Variants in CRBN observed in about 807,000 individuals in gnomAD.
CRBN encodes cereblon, also known as protein cereblon.
In CRBN, 53 loss-of-function variants were observed where a neutral mutation model predicts 62.2. The ratio of observed to expected loss-of-function variants is 0.85; its 90% CI spans 0.68 to 1.07. The LOEUF is 1.07. CRBN is among the 50% of genes least tolerant of loss of function. CRBN has a pLI of 0.00. For synonymous variants in CRBN, 208 were observed against 176.1 expected (o/e 1.18, Z -1.43); for missense variants, 616 against 531.1 (o/e 1.16, Z -1.57).
At chr3:3,154,604 C>T (rs1706799608) in intron 7 of CRBN, 143 bp downstream of exon 7, 6 of 646,520 alleles carry the variant, frequency 9.3e-6, no homozygotes, top group Non-Finnish European at 1.7e-5. Flanking sequence ...TTTTCAACTG[C>T]TCAAAGGAAA....
intron 10 of CRBN, 139 bp downstream of exon 10, chr3:3,152,317 T>C (rs1423237728): frequency 2.8e-5 from 27 of 947,920 alleles, no homozygotes; most frequent in Non-Finnish European, 4.1e-5. Flanking sequence ...CATACCCGGC[T>C]AATTTTTGTA....
At chr3:3,160,456 A>C (rs1408570142) in intron 5 of CRBN, among the ~76,000 whole-genome samples, 3 of 152,192 alleles carry the variant, frequency 2.0e-5, no homozygotes, top group Non-Finnish European at 2.9e-5. Flanking sequence ...CTGGGATGGA[A>C]TGATAAGCTC....
intron 1 of CRBN, among the ~76,000 whole-genome samples, chr3:3,178,947 A>G (rs1016400052): frequency 6.6e-6 from 1 of 152,068 alleles, no homozygotes; most frequent in Non-Finnish European, 1.5e-5. Flanking sequence ...CACACAACAT[A>G]CAGGAAAAAG....
chr3:3,159,482 C>G (rs940165813), intron 5 of CRBN, among the ~76,000 whole-genome samples: 2 of 152,030 alleles, frequency 1.3e-5, no homozygotes, highest in African/African-American at 4.8e-5. Context: ...GCACCCATGT[C>G]AAGAAAAAGA....
intron 3 of CRBN, 147 bp from the exon 4 acceptor site, chr3:3,173,072 G>A (rs1204756641): frequency 1.3e-5 from 9 of 706,064 alleles, no homozygotes; most frequent in East Asian, 2.8e-5. Flanking sequence ...TTATTTATTT[G>A]TTTGAGATGG....
upstream of CRBN, chr3:3,179,710 C>CT: frequency 1.2e-6 from 2 of 1,610,466 alleles, no homozygotes; most frequent in Non-Finnish European, 1.7e-6. Flanking sequence ...GCAAAGGAGG[C>CT]TGGGACAGGG....
chr3:3,166,773 G>A (rs765175823), intron 5 of CRBN, among the ~76,000 whole-genome samples: 7 of 151,758 alleles, frequency 4.6e-5, no homozygotes, highest in African/African-American at 7.3e-5. Context: ...ATAAAAATTC[G>A]GTACAGTGAC....
chr3:3,156,320 G>T, intron 5 of CRBN, 39 bp from the exon 6 acceptor site: 1 of 1,551,842 alleles, frequency 6.4e-7, no homozygotes, highest in Non-Finnish European at 8.9e-7. Context: ...AAACCCCACA[G>T]AATAAAGATT....
intron 4 of CRBN, 158 bp downstream of exon 4, chr3:3,172,618 T>A (rs145953687): frequency 7.0e-6 from 5 of 714,042 alleles, no homozygotes; most frequent in Non-Finnish European, 1.2e-5. Context: ...TTCTGATGCA[T>A]AGCAAGGTTG....
In CRBN at chr3:3,167,783, C is replaced by T; in HGVS notation, c.538G>A (p.Ala180Thr). 6.2e-7 allele frequency: 1 copy of T among 1,613,408 alleles called. No individual in the cohort carries two copies. Among genetic ancestry groups the T allele is most frequent in the Non-Finnish European group, 8.5e-7 (1 of 1,179,500 alleles). ...CATTCGGGAAGAATTTGCACTTTAG[C>T]TTGCTGGATTCTAAAATAAAGAGAA... ...LRTQSDGIQQ[A>T]KVQILPECVL... Residue 180 changes from alanine (A) to threonine (T), a missense_variant, in exon 5 of 11, where the codon GCT becomes ACT. Physicochemically the swap from Ala to Thr is moderately conservative, Grantham distance 58 (BLOSUM62 0). Transcript: ENST00000231948.
chr3:3,156,534 T>G (rs532708459), intron 5 of CRBN: 10 of 502,364 alleles, frequency 2.0e-5, no homozygotes, highest in Non-Finnish European at 3.5e-5. Context: ...ATTTCAATGC[T>G]GAAGACAACT....
At position 3,176,032 on chromosome 3, in the gene CRBN, T is replaced by TC. The variant is rs1192527016; in HGVS notation, c.68-764dup. ...AGGTTTTTCCGCTGTAAAGTTCCTTTCCCCCCTCCTTTTCACATTGTACCC... is the reference window on the plus strand; with the variant it reads ...AGGTTTTTCCGCTGTAAAGTTCCTTTCCCCCCCTCCTTTTCACATTGTACCC... On this transcript the variant is annotated intron_variant, in intron 1 of 10. Transcript: ENST00000231948. 5.9e-5 allele frequency among the ~76,000 whole-genome samples: 9 copies of TC among 152,154 alleles called. No individual in the cohort carries two copies. In the South Asian group the frequency reaches 1.2e-3, roughly 21 times the overall value.
chr3:3,171,227 C>A lies in CRBN; in HGVS notation c.527+1549G>T, dbSNP rs190739538. Among the ~76,000 whole-genome samples, 30 of 152,268 alleles carry A rather than the reference C, an allele frequency of 2.0e-4. No homozygotes were observed. In the East Asian group the frequency reaches 2.9e-3, roughly 15 times the overall value. ...CAAAAGTCACTAATGTCAAGACAGTCTGAGAAATATACTTTTCCCCAAGTC... is the reference window on the plus strand; with the variant it reads ...CAAAAGTCACTAATGTCAAGACAGTATGAGAAATATACTTTTCCCCAAGTC... On this transcript the variant is annotated intron_variant, in intron 4 of 10. Transcript: ENST00000231948.
intron 5 of CRBN, among the ~76,000 whole-genome samples, chr3:3,157,793 A>G (rs1706963499): frequency 6.6e-6 from 1 of 152,192 alleles, no homozygotes; most frequent in African/African-American, 2.4e-5. Context: ...CTGCGGTTTT[A>G]ACAGAAGACT....
intron 1 of CRBN, among the ~76,000 whole-genome samples, chr3:3,177,966 T>G (rs1399537133): frequency 2.0e-5 from 3 of 151,736 alleles, no homozygotes; most frequent in Non-Finnish European, 2.9e-5. Context: ...ACACCATCTC[T>G]GGGCCCTCTC....
intron 10 of CRBN, among the ~76,000 whole-genome samples, chr3:3,151,500 T>C (rs1013159989): frequency 7.5e-5 from 8 of 106,580 alleles, no homozygotes; most frequent in Admixed American, 3.9e-4. Flanking sequence ...AAGTAAATAT[T>C]TATATTCTAA....
At chr3:3,155,124 T>G (rs1003193192) in intron 6 of CRBN, 10 of 410,986 alleles carry the variant, frequency 2.4e-5, no homozygotes, top group African/African-American at 4.0e-5. Flanking sequence ...CTGGCCTCTC[T>G]TCTGCCTTCT....
At chr3:3,170,792 A>G (rs1257246590) in intron 4 of CRBN, among the ~76,000 whole-genome samples, 1 of 152,096 alleles carries the variant, frequency 6.6e-6, no homozygotes, top group Non-Finnish European at 1.5e-5. Context: ...GTCCACCTGT[A>G]TCAGTTTGAT....
chr3:3,156,343 T>G, intron 5 of CRBN, 62 bp from the exon 6 acceptor site: 2 of 1,419,114 alleles, frequency 1.4e-6, no homozygotes, highest in African/African-American at 1.4e-5. Flanking sequence ...AATGCTGGAA[T>G]GAGCAACATC....
Sources: gnomAD v4.1 joint callset for allele counts (sites outside exome capture counted in the v4.1 genomes callset) on GRCh38, gnomAD v4.1.1 for gene constraint, MANE v1.5 for transcripts, NCBI Gene and HGNC (gene_info 2026-07-23, HGNC 2026-07-21) for gene names.